Variants in CCT6A observed in about 807,000 individuals in gnomAD.
CCT6A encodes the protein chaperonin containing TCP1 subunit 6A, also known as T-complex protein 1 subunit zeta.
A neutral mutation model predicts 58.6 loss-of-function variants in CCT6A; 6 were observed. That is an observed-to-expected ratio of 0.10 (90% CI 0.06 to 0.20). CCT6A has a LOEUF of 0.20. Ranked by LOEUF, CCT6A falls within the 10% of genes least tolerant of loss-of-function variation. The pLI is 1.00. For missense variants in CCT6A, 516 were observed against 648.8 expected (o/e 0.80, Z 2.22); for synonymous variants, 245 against 227.8 (o/e 1.08, Z -0.68).
rs757763838 is a variant in CCT6A at position 56,063,073 on chromosome 7, T to A, written c.1584T>A (p.Ser528=). ...AGATCATGCGAGCTGGAATGTCTTC[T>A]CTGAAAGGTTGAATTGAAGCTTCCT... The part of the protein sequence containing the change: ...VDEIMRAGMS[S]LKG Residue 528 remains serine, a synonymous_variant, in exon 14 of 14, where the codon TCT becomes TCA. Coordinates refer to ENST00000275603, the MANE Select transcript of CCT6A (RefSeq NM_001762.4). 2 of 1,607,162 alleles carry A rather than the reference T, an allele frequency of 1.2e-6. No individual in the cohort carries two copies. Among genetic ancestry groups the A allele is most frequent in the East Asian group, 2.2e-5 (1 of 44,834 alleles).
chr7:56,061,947 C>A, intron 12 of CCT6A, 98 bp downstream of exon 12: 1 of 630,804 alleles, frequency 1.6e-6, no homozygotes. Flanking sequence ...AATTTGACAC[C>A]AGTGCTGTTA....
rs1432357723 is a variant in CCT6A, at chr7:56,063,411, T to C, written c.*326T>C. The C allele has an allele frequency of 7.2e-6, 2 of 279,464 alleles. No homozygotes were observed. The highest frequency in any genetic ancestry group is 1.4e-5 in the Non-Finnish European group (2 of 146,852). The allele number at this position is 279,464 out of a possible 1,614,324, so 17.3% of individuals were successfully genotyped here. ...ATATTTCTTGAAAAGCAAATTTTAA[T>C]GGTTTAATTTTATGTGGACGTATGT... is the stretch of plus-strand genomic sequence containing the variant. On this transcript the variant is annotated 3_prime_UTR_variant, in exon 14 of 14. Transcript: ENST00000275603.
At chr7:56,055,502 A>G (rs570506527) in intron 3 of CCT6A, 122 bp from the exon 4 acceptor site, 2 of 822,264 alleles carry the variant, frequency 2.4e-6, no homozygotes, top group African/African-American at 1.7e-5. Context: ...CCAGCACATT[A>G]TATTACCTCG....
intron 2 of CCT6A, among the ~76,000 whole-genome samples, chr7:56,053,802 A>C (rs1266708026): frequency 6.6e-6 from 1 of 152,188 alleles, no homozygotes; most frequent in African/African-American, 2.4e-5. Flanking sequence ...TGAGAAATAC[A>C]GCGTAGGTAG....
intron 5 of CCT6A, among the ~76,000 whole-genome samples, chr7:56,056,715 C>T (rs35818005): frequency 0.029 from 4,340 of 151,256 alleles, 95 homozygotes; most frequent in Admixed American, 0.055. Context: ...AGAGCGAAAC[C>T]CCGTCCCATT....
chr7:56,058,299 C>G (rs1284306513), intron 6 of CCT6A, 63 bp from the exon 7 acceptor site: 1 of 1,237,432 alleles, frequency 8.1e-7, no homozygotes, highest in African/African-American at 1.5e-5. Flanking sequence ...AGGACTAATC[C>G]AGTTTCAGAA....
At chr7:56,057,867 C>A (rs766472736) in intron 5 of CCT6A, 126 bp from the exon 6 acceptor site, 15 of 633,702 alleles carry the variant, frequency 2.4e-5, no homozygotes, top group Non-Finnish European at 3.7e-5. Context: ...GGCAACAGAG[C>A]GAGACTTCAT....
At chr7:56,059,683 C>CGTGAAT in intron 9 of CCT6A, 43 bp downstream of exon 9, 1 of 969,088 alleles carries the variant, frequency 1.0e-6, no homozygotes, top group East Asian at 2.4e-5. Context: ...CCTTTTAGCT[C>CGTGAAT]GTGAATTATT....
chr7:56,061,062 C>A, intron 11 of CCT6A, 122 bp downstream of exon 11: 1 of 1,069,494 alleles, frequency 9.4e-7, no homozygotes, highest in Non-Finnish European at 1.3e-6. Context: ...TTCTTTCTGA[C>A]TCTAGAACAG....
intron 13 of CCT6A, 65 bp from the exon 14 acceptor site, chr7:56,062,948 T>C: frequency 7.5e-7 from 1 of 1,326,950 alleles, no homozygotes; most frequent in South Asian, 1.2e-5. Context: ...TGGTTGGAAG[T>C]GGGAAGTTGA....
intron 6 of CCT6A, 57 bp from the exon 7 acceptor site, chr7:56,058,305 C>G: frequency 7.6e-7 from 1 of 1,313,976 alleles, no homozygotes; most frequent in Non-Finnish European, 1.1e-6. Flanking sequence ...AATCCAGTTT[C>G]AGAAGCTGCT....
intron 11 of CCT6A, 92 bp from the exon 12 acceptor site, chr7:56,061,655 C>CT: frequency 1.6e-6 from 1 of 639,508 alleles, no homozygotes; most frequent in Non-Finnish European, 2.5e-6. Flanking sequence ...CCGAGATTTT[C>CT]TTTTTCTTTT....
At chr7:56,053,200 A>G (rs1342941581) in intron 2 of CCT6A, among the ~76,000 whole-genome samples, 1 of 152,182 alleles carries the variant, frequency 6.6e-6, no homozygotes, top group African/African-American at 2.4e-5. Flanking sequence ...ATATTAGATT[A>G]TTGAGGGGAG....
rs547434864 is a variant in CCT6A, at chr7:56,063,233, T to C, written c.*148T>C. 2.0e-5 allele frequency: 13 copies of C among 642,792 alleles called. No individual in the cohort carries two copies. In the African/African-American group the frequency reaches 2.4e-4, roughly 12 times the overall value. The allele number at this position is 642,792 out of a possible 1,614,324, so 39.8% of individuals were successfully genotyped here. A position where few individuals can be genotyped will look rare whatever the true frequency, so the allele number is the denominator to read the frequency against. Reference sequence around the variant, plus strand: ...GAGAACACTGGCATCTGTTGAAATTTGGAAGTTCTGAAATTATAGTATTTT... The same window carrying C: ...GAGAACACTGGCATCTGTTGAAATTCGGAAGTTCTGAAATTATAGTATTTT... On this transcript the variant is annotated 3_prime_UTR_variant, in exon 14 of 14. Coordinates refer to ENST00000275603, the MANE Select transcript of CCT6A (RefSeq NM_001762.4).
Position 56,059,829 on chromosome 7 carries a change from C to G in CCT6A, c.1065+189C>G, listed in dbSNP as rs1190915978. The G allele has an allele frequency of 9.5e-6, 5 of 523,902 alleles. No homozygotes were observed. In the East Asian group the frequency reaches 1.6e-4, roughly 17 times the overall value. 32.5% of individuals were successfully genotyped at this position (523,902 alleles called of 1,614,324 possible). Reference sequence around the variant, plus strand: ...TCAGGCTTCTGAGCAGGTGGGACCACAGACGTGTGTGCTACCATGACTGGC... The same window carrying G: ...TCAGGCTTCTGAGCAGGTGGGACCAGAGACGTGTGTGCTACCATGACTGGC... On this transcript the variant is annotated intron_variant, in intron 9 of 13. Coordinates refer to ENST00000275603, the MANE Select transcript of CCT6A (RefSeq NM_001762.4).
At chr7:56,062,550 T>C in intron 12 of CCT6A, 133 bp from the exon 13 acceptor site, 1 of 758,362 alleles carries the variant, frequency 1.3e-6, no homozygotes. Flanking sequence ...AGTAGAAAAT[T>C]GGGCTAACAG....
chr7:56,057,187 G>A (rs1794327682), intron 5 of CCT6A, among the ~76,000 whole-genome samples: 1 of 152,154 alleles, frequency 6.6e-6, no homozygotes, highest in Non-Finnish European at 1.5e-5. Context: ...ATTTTCTCCT[G>A]AAATAAGGTG....
chr7:56,053,582 C>T (rs1336052801), intron 2 of CCT6A, among the ~76,000 whole-genome samples: 3 of 152,018 alleles, frequency 2.0e-5, no homozygotes, highest in Non-Finnish European at 4.4e-5. Flanking sequence ...GTTAAAACTC[C>T]GACTCAGCTA....
chr7:56,052,789 TTTTC>T (rs1185049868), intron 2 of CCT6A, among the ~76,000 whole-genome samples: 1 of 17,708 alleles, frequency 5.6e-5, no homozygotes, highest in Non-Finnish European at 1.6e-4. Context: ...TTTTCTTTTC[TTTTC>T]TTTTTTTTTT....
Sources: allele counts gnomAD v4.1 joint callset (sites outside exome capture counted in the v4.1 genomes callset), GRCh38; gene constraint gnomAD v4.1.1; transcripts MANE v1.5; gene names NCBI Gene and HGNC (gene_info 2026-07-23, HGNC 2026-07-21).